The following CNTNAP5 variants were observed in gnomAD, a reference collection of about 807,000 sequenced individuals.
CNTNAP5 encodes the protein contactin associated protein family member 5, also known as contactin-associated protein-like 5.
Under a neutral mutation model 150.2 loss-of-function variants are expected in CNTNAP5, and 72 were observed. The observed-to-expected ratio is 0.48, with a 90% confidence interval of 0.40 to 0.58. The LOEUF (loss-of-function observed/expected upper bound fraction) is 0.58, where lower values mean the gene tolerates loss of function less well. Ranked by LOEUF, CNTNAP5 falls within the 20% of genes least tolerant of loss-of-function variation. CNTNAP5 has a pLI of 0.00. For missense variants in CNTNAP5, 1,636 were observed against 1,626.2 expected (o/e 1.01, Z -0.10); for synonymous variants, 672 against 619.8 (o/e 1.08, Z -1.25).
intron 13 of CNTNAP5, among the ~76,000 whole-genome samples, chr2:124,672,864 A>C (rs992689863): frequency 6.6e-6 from 1 of 152,198 alleles, no homozygotes; most frequent in African/African-American, 2.4e-5. Flanking sequence ...AAATGTAATA[A>C]TTAAAACTAA....
chr2:124,182,465 A>G (rs994026176), intron 1 of CNTNAP5, among the ~76,000 whole-genome samples: 2 of 152,306 alleles, frequency 1.3e-5, no homozygotes, highest in Middle Eastern at 3.4e-3. Context: ...GCCAAAGCTC[A>G]CACAGTATGT....
At chr2:124,283,491 G>T (rs1055834553) in intron 3 of CNTNAP5, among the ~76,000 whole-genome samples, 1 of 152,172 alleles carries the variant, frequency 6.6e-6, no homozygotes, top group Non-Finnish European at 1.5e-5. Flanking sequence ...TCTGTGAGTT[G>T]TGGACTCTTG....
At chr2:124,445,955 A>T (rs1692804086) in intron 5 of CNTNAP5, among the ~76,000 whole-genome samples, 3 of 152,098 alleles carry the variant, frequency 2.0e-5, no homozygotes, top group African/African-American at 7.2e-5. Context: ...AGAGAGAAGG[A>T]GGCGGAGGGG....
At chr2:124,057,972 A>C (rs190410194) in intron 1 of CNTNAP5, among the ~76,000 whole-genome samples, 1 of 152,280 alleles carries the variant, frequency 6.6e-6, no homozygotes, top group East Asian at 1.9e-4. Context: ...ATGTAACCAC[A>C]AAAATTAGAT....
At chr2:124,307,794 T>C (rs111601012) in intron 3 of CNTNAP5, among the ~76,000 whole-genome samples, 168 of 152,274 alleles carry the variant, frequency 1.1e-3, no homozygotes, top group African/African-American at 3.7e-3. Flanking sequence ...CCAGATTATG[T>C]AGTTGTTGAT....
At position 124,747,216 on chromosome 2, in the gene CNTNAP5, T is replaced by G; in HGVS notation, c.2078-13T>G. 3.7e-6 allele frequency: 6 copies of G among 1,610,056 alleles called. No individual in the cohort carries two copies. The highest frequency in any genetic ancestry group is 5.1e-6 in the Non-Finnish European group (6 of 1,176,904). ...TTGCCCTACCCTGACTGGTGGAATA[T>G]CTTGTCTTCCAGATGGAACACCATT... On this transcript the variant is annotated splice_polypyrimidine_tract_variant and intron_variant, in intron 13 of 23. Coordinates refer to ENST00000682447, the MANE Select transcript of CNTNAP5 (RefSeq NM_001367498.1).
At chr2:124,818,445 T>G (rs545471694) in intron 19 of CNTNAP5, among the ~76,000 whole-genome samples, 2 of 152,216 alleles carry the variant, frequency 1.3e-5, no homozygotes, top group South Asian at 4.1e-4. Context: ...GAGGATGACT[T>G]GAGCCCAAGG....
At chr2:124,146,124 G>A (rs900240674) in intron 1 of CNTNAP5, among the ~76,000 whole-genome samples, 1 of 152,160 alleles carries the variant, frequency 6.6e-6, no homozygotes, top group African/African-American at 2.4e-5. Context: ...GGCACAGAGA[G>A]GAGCAGGCAG....
At chr2:124,603,464 C>T (rs1184576579) in intron 11 of CNTNAP5, among the ~76,000 whole-genome samples, 2 of 152,154 alleles carry the variant, frequency 1.3e-5, no homozygotes, top group African/African-American at 4.8e-5. Flanking sequence ...TAAAATATCC[C>T]ATTAATGTTT....
At chr2:124,449,260 T>C (rs1233167506) in intron 6 of CNTNAP5, among the ~76,000 whole-genome samples, 1 of 152,222 alleles carries the variant, frequency 6.6e-6, no homozygotes, top group East Asian at 1.9e-4. Flanking sequence ...ATTGCTCTCC[T>C]TTGTCAACTT....
chr2:124,629,463 T>C (rs1459766120), intron 12 of CNTNAP5, among the ~76,000 whole-genome samples: 1 of 152,182 alleles, frequency 6.6e-6, no homozygotes, highest in Non-Finnish European at 1.5e-5. Context: ...GAATGACTCC[T>C]GGGTAAATAA....
At chr2:124,203,076 G>A (rs1431896981) in intron 1 of CNTNAP5, among the ~76,000 whole-genome samples, 2 of 152,052 alleles carry the variant, frequency 1.3e-5, no homozygotes, top group African/African-American at 2.4e-5. Flanking sequence ...AAAATCAGAA[G>A]CAACTTAGTT....
chr2:124,795,972 T>C (rs1681837152), intron 18 of CNTNAP5, among the ~76,000 whole-genome samples: 1 of 152,132 alleles, frequency 6.6e-6, no homozygotes, highest in African/African-American at 2.4e-5. Context: ...GCAAGTTAAA[T>C]ATCTTTATCC....
intron 13 of CNTNAP5, among the ~76,000 whole-genome samples, chr2:124,742,386 T>C (rs1283015919): frequency 6.6e-6 from 1 of 151,138 alleles, no homozygotes; most frequent in Non-Finnish European, 1.5e-5. Flanking sequence ...CCTCTCAGTT[T>C]GCATGTTGTC....
At chr2:124,868,454 C>T (rs1023890177) in intron 20 of CNTNAP5, among the ~76,000 whole-genome samples, 4 of 152,084 alleles carry the variant, frequency 2.6e-5, no homozygotes, top group African/African-American at 9.7e-5. Flanking sequence ...ATACTCATGT[C>T]CAGTTCTTGT....
intron 21 of CNTNAP5, among the ~76,000 whole-genome samples, chr2:124,883,115 C>G (rs11894518): frequency 0.46 from 68,870 of 149,066 alleles, 16,964 homozygotes; most frequent in East Asian, 0.82. Context: ...CTTGGCCAGA[C>G]TAGAGTGCAG....
At chr2:124,490,478 G>A (rs1427006998) in intron 7 of CNTNAP5, among the ~76,000 whole-genome samples, 1 of 152,026 alleles carries the variant, frequency 6.6e-6, no homozygotes, top group Non-Finnish European at 1.5e-5. Context: ...ATTAATTTTT[G>A]TTATATAACT....
At chr2:124,354,694 G>T (rs1558864249) in intron 3 of CNTNAP5, among the ~76,000 whole-genome samples, 1 of 152,024 alleles carries the variant, frequency 6.6e-6, no homozygotes, top group Non-Finnish European at 1.5e-5. Flanking sequence ...TATTTCCTGG[G>T]GCAAGGTCTA....
chr2:124,822,467 C>T (rs779651196), intron 19 of CNTNAP5, among the ~76,000 whole-genome samples: 8 of 152,290 alleles, frequency 5.3e-5, no homozygotes, highest in Non-Finnish European at 8.8e-5. Flanking sequence ...ATCTAATCAG[C>T]TGATTGCCTT....
Sources: gnomAD v4.1 joint callset for allele counts (sites outside exome capture counted in the v4.1 genomes callset) on GRCh38, gnomAD v4.1.1 for gene constraint, MANE v1.5 for transcripts, NCBI Gene and HGNC (gene_info 2026-07-23, HGNC 2026-07-21) for gene names.